MICU3: variants seen among roughly 807,000 people sequenced by gnomAD.
MICU3 encodes calcium uptake protein 3, mitochondrial.
Under a neutral mutation model 66.5 loss-of-function variants are expected in MICU3, and 62 were observed. The ratio of observed to expected loss-of-function variants is 0.93; its 90% CI spans 0.76 to 1.15. The LOEUF is 1.15. MICU3 is among the 50% of genes most tolerant of loss of function. The pLI, the probability that MICU3 is intolerant of heterozygous loss-of-function variation, is 0.00. For missense variants in MICU3, 779 were observed against 664.4 expected (o/e 1.17, Z -1.90); for synonymous variants, 308 against 240.7 (o/e 1.28, Z -2.59).
intron 1 of MICU3, among the ~76,000 whole-genome samples, chr8:17,062,903 G>A (rs1818070965): frequency 6.6e-6 from 1 of 151,476 alleles, no homozygotes; most frequent in Admixed American, 6.6e-5. Context: ...AACTTATCCT[G>A]AAGAACTGTT....
At chr8:17,089,873 T>C (rs1294189379) in intron 7 of MICU3, among the ~76,000 whole-genome samples, 1 of 152,098 alleles carries the variant, frequency 6.6e-6, no homozygotes, top group East Asian at 1.9e-4. Flanking sequence ...AACTGAATCT[T>C]AACATACCTA....
At chr8:17,095,902 G>A (rs756861154) in intron 8 of MICU3, among the ~76,000 whole-genome samples, 1 of 151,904 alleles carries the variant, frequency 6.6e-6, no homozygotes, top group Non-Finnish European at 1.5e-5. Flanking sequence ...AAATTACAAA[G>A]TGTAAGAAAG....
At chr8:17,108,846 C>T (rs1459660092) in intron 11 of MICU3, among the ~76,000 whole-genome samples, 1 of 152,182 alleles carries the variant, frequency 6.6e-6, no homozygotes, top group South Asian at 2.1e-4. Context: ...GTGGCTCCTA[C>T]ACACACTGCT....
chr8:17,133,122 T>TA, the MICU3 span: 2 of 152,236 alleles, frequency 1.3e-5, no homozygotes, highest in African/African-American at 4.8e-5. Flanking sequence ...GCTATTTTGT[T>TA]ATAGCAGCTG....
chr8:17,131,166 A>C, the MICU3 span: 5 of 152,232 alleles, frequency 3.3e-5, no homozygotes, highest in Non-Finnish European at 5.9e-5. Flanking sequence ...CAAATTGACT[A>C]GTGAAAGTTA....
chr8:17,102,301 G>A (rs187332592), intron 9 of MICU3: 7 of 151,594 alleles, frequency 4.6e-5, no homozygotes, highest in Admixed American at 1.3e-4. Context: ...TAATTTAAGC[G>A]GATAATAAGT....
At chr8:17,088,158 C>T (rs1370149738) in intron 7 of MICU3, among the ~76,000 whole-genome samples, 2 of 151,932 alleles carry the variant, frequency 1.3e-5, no homozygotes, top group Non-Finnish European at 2.9e-5. Context: ...ATAGCACATA[C>T]TGCTTTACAG....
At chr8:17,109,465 A>G (rs759916955) in intron 11 of MICU3, among the ~76,000 whole-genome samples, 8 of 152,182 alleles carry the variant, frequency 5.3e-5, no homozygotes, top group Non-Finnish European at 7.3e-5. Flanking sequence ...ATATCATGAT[A>G]TATCTATAGA....
intron 9 of MICU3, among the ~76,000 whole-genome samples, chr8:17,102,977 T>G (rs984393920): frequency 3.3e-5 from 5 of 151,992 alleles, no homozygotes; most frequent in Admixed American, 1.3e-4. Flanking sequence ...TAAATGTGAA[T>G]AGAATATTTA....
At chr8:17,071,761 A>G (rs919971599) in intron 3 of MICU3, among the ~76,000 whole-genome samples, 5 of 152,316 alleles carry the variant, frequency 3.3e-5, no homozygotes, top group African/African-American at 1.2e-4. Context: ...AGTTAAGAAG[A>G]TGCTCCACAC....
the MICU3 span, among the ~76,000 whole-genome samples, chr8:17,136,424 T>A: frequency 6.6e-6 from 1 of 152,082 alleles, no homozygotes; most frequent in African/African-American, 2.4e-5. Context: ...ACCACCGCAG[T>A]TGCACAAAGA....
intron 1 of MICU3, among the ~76,000 whole-genome samples, chr8:17,054,032 G>A (rs1816516431): frequency 6.6e-6 from 1 of 152,164 alleles, no homozygotes; most frequent in South Asian, 2.1e-4. Flanking sequence ...CTGTGCTTGG[G>A]CAGTTTTCTG....
At chr8:17,111,068 A>C (rs977969022) in intron 11 of MICU3, among the ~76,000 whole-genome samples, 1 of 152,032 alleles carries the variant, frequency 6.6e-6, no homozygotes, top group Non-Finnish European at 1.5e-5. Context: ...ATATGTGTAC[A>C]TGTAGTTTTG....
intron 13 of MICU3, among the ~76,000 whole-genome samples, chr8:17,116,841 C>T (rs1247406418): frequency 6.6e-6 from 1 of 152,154 alleles, no homozygotes; most frequent in Non-Finnish European, 1.5e-5. Context: ...CATAGTCAGT[C>T]TAATGTCTTC....
At chr8:17,125,806 G>A (rs1292001876), downstream of MICU3, among the ~76,000 whole-genome samples, 1 of 152,028 alleles carries the variant, frequency 6.6e-6, no homozygotes, top group African/African-American at 2.4e-5. Flanking sequence ...GCTGAGGCGG[G>A]TGGATCACGA....
At chr8:17,091,354 C>A (rs1372081678) in intron 8 of MICU3, among the ~76,000 whole-genome samples, 1 of 152,048 alleles carries the variant, frequency 6.6e-6, no homozygotes, top group African/African-American at 2.4e-5. Context: ...CCCCAAGGAT[C>A]CTTAAGCCTC....
the MICU3 span, among the ~76,000 whole-genome samples, chr8:17,130,250 C>T: frequency 4.6e-5 from 7 of 152,146 alleles, no homozygotes; most frequent in South Asian, 2.1e-4. Flanking sequence ...TGAGACTAGG[C>T]GCGGTGGCTC....
At chr8:17,119,204 T>C (rs982894621) in intron 14 of MICU3, among the ~76,000 whole-genome samples, 2 of 152,198 alleles carry the variant, frequency 1.3e-5, no homozygotes, top group African/African-American at 2.4e-5. Flanking sequence ...GTAACTTGCA[T>C]AGGATAACTT....
chr8:17,103,430 A>G (rs1801453457), intron 9 of MICU3, among the ~76,000 whole-genome samples: 2 of 151,952 alleles, frequency 1.3e-5, no homozygotes, highest in Admixed American at 1.3e-4. Flanking sequence ...CGATGTGCCT[A>G]TCTACAGCTA....
Sources: allele counts gnomAD v4.1 joint callset (sites outside exome capture counted in the v4.1 genomes callset), GRCh38; gene constraint gnomAD v4.1.1; transcripts MANE v1.5; gene names NCBI Gene and HGNC (gene_info 2026-07-23, HGNC 2026-07-21).